FCHSD1: variants seen among roughly 807,000 people sequenced by gnomAD.
The protein encoded by FCHSD1 is F-BAR and double SH3 domains protein 1.
A neutral mutation model predicts 101.3 loss-of-function variants in FCHSD1; 109 were observed. The observed-to-expected ratio is 1.08, with a 90% confidence interval of 0.92 to 1.26. FCHSD1 has a LOEUF of 1.26. Among genes scored for constraint, FCHSD1 ranks in the 50% most tolerant of loss-of-function variants. FCHSD1 has a pLI of 0.00. For synonymous variants in FCHSD1, 291 were observed against 356.8 expected (o/e 0.82, Z 2.08); for missense variants, 820 against 895.8 (o/e 0.92, Z 1.08).
intron 1 of FCHSD1, 34 bp from the exon 2 acceptor site, chr5:141,651,151 G>A (rs1347877807): frequency 4.5e-6 from 7 of 1,555,030 alleles, no homozygotes; most frequent in African/African-American, 1.4e-5. Flanking sequence ...AGACCCCAGC[G>A]CAAGGACCTA....
rs2099906867 is a variant in FCHSD1, at chr5:141,641,296, A to C, written c.*202T>G. On this transcript the variant is annotated 3_prime_UTR_variant, in exon 20 of 20. Transcript: ENST00000435817. ...CAGAAGAGAAGGTAGTTCCGGTCCT[A>C]GAGATGATAGAACAATGGGAAAAAA... 1 of 499,662 alleles carries C rather than the reference A, an allele frequency of 2.0e-6. No individual in the cohort carries two copies. Among genetic ancestry groups the C allele is most frequent in the Non-Finnish European group, 3.5e-6 (1 of 281,868 alleles). 31.0% of individuals were successfully genotyped at this position (499,662 alleles called of 1,614,324 possible).
Position 141,644,413 on chromosome 5 carries a change from G to A in FCHSD1, c.1668C>T (p.Ser556=). 6.2e-7 allele frequency: 1 copy of A among 1,613,850 alleles called. No individual in the cohort carries two copies. The highest frequency in any genetic ancestry group is 1.1e-5 in the South Asian group (1 of 91,058). ...GCTCCTCTGCACTCTGTCCGGTGTA[G>A]CTGTACAGGGCCTGTGCCAGGAATG... ...PTAFLAQALY[S]YTGQSAEELS... is the part of the protein sequence containing the mutation. Residue 556 remains serine (S), a synonymous_variant, in exon 17 of 20, where the codon AGC becomes AGT. Transcript: ENST00000435817.
At chr5:141,650,968 G>A in intron 2 of FCHSD1, 52 bp downstream of exon 2, 1 of 1,498,018 alleles carries the variant, frequency 6.7e-7, no homozygotes, top group Non-Finnish European at 9.1e-7. Context: ...TTGGGGAGAA[G>A]TGGCGCACAA....
Position 141,640,120 on chromosome 5 carries a change from C to G in FCHSD1, c.*1378G>C. ...CCACAGCCCCAGGTCCTAGCCAGCC[C>G]CCCAGTACAGAATGGAGGACTCAGG... is the stretch of plus-strand genomic sequence containing the variant. On this transcript the variant is annotated 3_prime_UTR_variant, in exon 20 of 20. Transcript: ENST00000435817. 2 of 1,613,996 alleles carry G rather than the reference C, an allele frequency of 1.2e-6. No individual in the cohort carries two copies. The highest frequency in any genetic ancestry group is 1.7e-6 in the Non-Finnish European group (2 of 1,179,922).
chr5:141,641,294 C>T lies in FCHSD1; in HGVS notation c.*204G>A, dbSNP rs1201543896. ...GACAGAAGAGAAGGTAGTTCCGGTC[C>T]TAGAGATGATAGAACAATGGGAAAA... On this transcript the variant is annotated 3_prime_UTR_variant, in exon 20 of 20. Coordinates refer to ENST00000435817, the MANE Select transcript of FCHSD1 (RefSeq NM_033449.3). The T allele has an allele frequency of 3.6e-5, 18 of 497,048 alleles. No homozygotes were observed. The East Asian group carries it at 4.9e-4, about 13-fold the overall frequency. 30.8% of individuals were successfully genotyped at this position (497,048 alleles called of 1,614,324 possible).
Position 141,639,522 on chromosome 5 carries a change from C to T in FCHSD1, c.*1976G>A. The stretch of plus-strand genomic sequence containing the variant: ...CCCCTCCCATCATCACACAGTGCAC[C>T]TGGGCTCTGCAGCCCCTTGCCTCCA... On this transcript the variant is annotated 3_prime_UTR_variant, in exon 20 of 20. Coordinates refer to ENST00000435817, the MANE Select transcript of FCHSD1 (RefSeq NM_033449.3). The surrounding 1 kb of genome is among the most constrained non-coding windows in gnomAD (Gnocchi z 4.4). 2 of 1,614,002 alleles carry T rather than the reference C, an allele frequency of 1.2e-6. No homozygotes were observed. The highest frequency in any genetic ancestry group is 1.3e-5 in the African/African-American group (1 of 75,050).
Position 141,646,657 on chromosome 5 carries a change from C to G in FCHSD1, c.990G>C (p.Gln330His), listed in dbSNP as rs1431671670. The G allele has an allele frequency of 1.3e-5, 21 of 1,613,090 alleles. No homozygotes were observed. Among genetic ancestry groups the G allele is most frequent in the Non-Finnish European group, 1.8e-5 (21 of 1,179,772 alleles). ...AGKSGLEKEV[Q>H]RLTSRAARDY... is the part of the protein sequence containing the mutation. ...CACGGGCAGCTCGGCTGGTCAAGCG[C>G]TGAACCTCTTTCTCCAGGCCACTCT... The change falls in exon 11 of 20, where the codon CAG becomes CAC. Residue 330 changes from glutamine (Q) to histidine (H), a missense_variant. By Grantham distance (24) the Gln-to-His change is conservative. Transcript: ENST00000435817.
intron 11 of FCHSD1, 112 bp downstream of exon 11, chr5:141,646,491 T>TTCCC: frequency 6.9e-7 from 1 of 1,445,138 alleles, no homozygotes; most frequent in African/African-American, 1.4e-5. Context: ...TAAAATACCT[T>TTCCC]TCCCTCCCCT....
rs1252432429 is a variant in FCHSD1 at position 141,645,149 on chromosome 5, C to T, written c.1312-1G>A. On this transcript the variant is annotated splice_acceptor_variant, in intron 13 of 19. Coordinates refer to ENST00000435817, the MANE Select transcript of FCHSD1 (RefSeq NM_033449.3). LOFTEE classifies it high-confidence loss of function. ...AGTCAGAAAGCTCAGCATCCTCAGC[C>T]TAGAGGGGCAAAGAACAGACCTCAT... is the stretch of plus-strand genomic sequence containing the variant. 1 of 1,540,620 alleles carries T rather than the reference C, an allele frequency of 6.5e-7. No homozygotes were observed. The highest frequency in any genetic ancestry group is 8.7e-7 in the Non-Finnish European group (1 of 1,144,200).
Position 141,639,370 on chromosome 5 carries a change from TG to T in FCHSD1, c.*2127del. ...TGGGGCTTGGGGAAATTGGGGCTTC[TG>T]GGGTTTTAAGGAGCATGCTGAAAGA... On this transcript the variant is annotated 3_prime_UTR_variant, in exon 20 of 20. Coordinates refer to ENST00000435817, the MANE Select transcript of FCHSD1 (RefSeq NM_033449.3). This position sits in a 1 kb window ranked among gnomAD's most constrained non-coding sequence, Gnocchi z 4.4. 9.6e-7 allele frequency: 1 copy of T among 1,043,786 alleles called. No homozygotes were observed. The highest frequency in any genetic ancestry group is 1.4e-6 in the Non-Finnish European group (1 of 722,150). 64.7% of individuals were successfully genotyped at this position (1,043,786 alleles called of 1,614,324 possible).
Position 141,644,797 on chromosome 5 carries a change from C to A in FCHSD1, c.1524+62G>T, listed in dbSNP as rs964617167. ...CTTTGCCTAGAAGGGTCTATGGAGG[C>A]CACAGAGAAGTCCCTCCTACTGCCC... On this transcript the variant is annotated intron_variant, in intron 15 of 19. Transcript: ENST00000435817. The A allele has an allele frequency of 1.9e-6, 3 of 1,602,848 alleles. No homozygotes were observed. The African/African-American group carries it at 4.0e-5, about 21-fold the overall frequency.
chr5:141,649,593 C>T lies in FCHSD1; in HGVS notation c.234-57G>A. 1.3e-6 allele frequency: 2 copies of T among 1,562,320 alleles called. No homozygotes were observed. Among genetic ancestry groups the T allele is most frequent in the South Asian group, 1.2e-5 (1 of 85,854 alleles). ...AGCACTCCACAGCTTCATGAGACCA[C>T]CCCCACCCCCTGCCCCCTGACCAAC... On this transcript the variant is annotated intron_variant, in intron 4 of 19. Coordinates refer to ENST00000435817, the MANE Select transcript of FCHSD1 (RefSeq NM_033449.3). The surrounding 1 kb of genome is among the most constrained non-coding windows in gnomAD (Gnocchi z 4.1).
chr5:141,642,212 A>C (rs1409649714), intron 18 of FCHSD1: 1 of 540,246 alleles, frequency 1.9e-6, no homozygotes, highest in African/African-American at 1.9e-5. Flanking sequence ...ACATGAATGG[A>C]GTTGGATGCC....
At chr5:141,642,961 GTC>G (rs1562384657) in intron 18 of FCHSD1, 38 bp downstream of exon 18, 1 of 1,536,298 alleles carries the variant, frequency 6.5e-7, no homozygotes, top group African/African-American at 1.4e-5. Flanking sequence ...CCTTCTTCCT[GTC>G]TGTTAGCCTC....
chr5:141,647,033 G>A (rs1487961309), intron 10 of FCHSD1, 102 bp downstream of exon 10: 2 of 1,172,926 alleles, frequency 1.7e-6, no homozygotes, highest in Non-Finnish European at 2.4e-6. Flanking sequence ...CCTCTCCACG[G>A]TGTACACTCA....
At position 141,647,243 on chromosome 5, in the gene FCHSD1, A is replaced by G. The variant is rs1488187733; in HGVS notation, c.829-13T>C. On this transcript the variant is annotated splice_polypyrimidine_tract_variant and intron_variant, in intron 9 of 19. Coordinates refer to ENST00000435817, the MANE Select transcript of FCHSD1 (RefSeq NM_033449.3). ...GCTCCCAGCTTACCTAGGGGTTGGG[A>G]AAAGTCAAAGTCACTCATTCACTGA... 6.3e-7 allele frequency: 1 copy of G among 1,596,932 alleles called. No homozygotes were observed. The highest frequency in any genetic ancestry group is 1.1e-5 in the South Asian group (1 of 88,104).
chr5:141,639,527 C>G lies in FCHSD1; in HGVS notation c.*1971G>C, dbSNP rs1157851924. On this transcript the variant is annotated 3_prime_UTR_variant, in exon 20 of 20. Transcript: ENST00000435817. The surrounding 1 kb of genome is among the most constrained non-coding windows in gnomAD (Gnocchi z 4.4). ...CCCATCATCACACAGTGCACCTGGG[C>G]TCTGCAGCCCCTTGCCTCCATTGCA... The G allele has an allele frequency of 1.2e-6, 2 of 1,614,004 alleles. No homozygotes were observed. Among genetic ancestry groups the G allele is most frequent in the South Asian group, 1.1e-5 (1 of 91,078 alleles).
intron 17 of FCHSD1, 124 bp from the exon 18 acceptor site, chr5:141,643,212 C>T: frequency 1.6e-6 from 1 of 631,250 alleles, no homozygotes. Flanking sequence ...CAAATGCTTG[C>T]ATTCGGTGGG....
Position 141,641,559 on chromosome 5 carries a change from C to T in FCHSD1, c.2012G>A (p.Arg671His), listed in dbSNP as rs764938323. 2.5e-5 allele frequency: 38 copies of T among 1,537,268 alleles called. No homozygotes were observed. Among genetic ancestry groups the T allele is most frequent in the African/African-American group, 1.5e-4 (11 of 72,832 alleles). The stretch of plus-strand genomic sequence containing the variant: ...TTTAGCCGGCGGGGGAGGTGGTGGA[C>T]GCATCTGTAGGGAACACACAGTTAG... ...DMMAPRLRPM[R>H]PPPPPPAKAP... Residue 671 changes from arginine to histidine, a missense_variant, in exon 20 of 20, where the codon CGT (arginine) becomes CAT (histidine). Physicochemically the swap from Arg to His is conservative, Grantham distance 29. Coordinates refer to ENST00000435817, the MANE Select transcript of FCHSD1 (RefSeq NM_033449.3).
Sources: allele counts gnomAD v4.1 joint callset, GRCh38; gene constraint gnomAD v4.1.1; non-coding constraint Gnocchi (gnomAD v3.1); transcripts MANE v1.5; gene names NCBI Gene and HGNC (gene_info 2026-07-23, HGNC 2026-07-21).